ADAM18: variants seen among roughly 807,000 people sequenced by gnomAD.
ADAM18 encodes the protein disintegrin and metalloproteinase domain-containing protein 18.
Under a neutral mutation model 94.4 loss-of-function variants are expected in ADAM18, and 117 were observed. That is an observed-to-expected ratio of 1.24 (90% CI 1.07 to 1.45). ADAM18 has a LOEUF of 1.45. Ranked by LOEUF, ADAM18 falls within the 40% of genes most tolerant of loss-of-function variation. The pLI, the probability that ADAM18 is intolerant of heterozygous loss-of-function variation, is 0.00. For missense variants in ADAM18, 936 were observed against 880.0 expected (o/e 1.06, Z -0.81); for synonymous variants, 327 against 291.6 (o/e 1.12, Z -1.24).
intron 16 of ADAM18, among the ~76,000 whole-genome samples, chr8:39,681,900 T>G (rs1821471992): frequency 6.6e-6 from 1 of 152,142 alleles, no homozygotes; most frequent in South Asian, 2.1e-4. Context: ...CAGCTTATAA[T>G]ATAATAAGAA....
chr8:39,586,798 ATCTATATC>A (rs759945727), intron 2 of ADAM18, among the ~76,000 whole-genome samples: 8,942 of 137,646 alleles, frequency 0.065, 300 homozygotes, highest in Non-Finnish European at 0.078. Context: ...CTATCTATCT[ATCTATATC>A]TATCTATCTA....
chr8:39,656,807 A>G (rs1820697278), intron 12 of ADAM18, among the ~76,000 whole-genome samples: 1 of 152,204 alleles, frequency 6.6e-6, no homozygotes, highest in Admixed American at 6.5e-5. Context: ...TCGCTAATAA[A>G]TTTGTGAATC....
intron 17 of ADAM18, among the ~76,000 whole-genome samples, chr8:39,699,844 G>C (rs1822016153): frequency 6.6e-6 from 1 of 152,110 alleles, no homozygotes; most frequent in South Asian, 2.1e-4. Context: ...ATGATGATTA[G>C]AAAAATCTTG....
At chr8:39,646,132 C>A (rs895647770) in intron 11 of ADAM18, among the ~76,000 whole-genome samples, 5 of 152,060 alleles carry the variant, frequency 3.3e-5, no homozygotes, top group South Asian at 4.1e-4. Context: ...CTATACATTT[C>A]TTTCCTTGGA....
chr8:39,642,788 A>G (rs1385535615), intron 10 of ADAM18, among the ~76,000 whole-genome samples: 1 of 152,084 alleles, frequency 6.6e-6, no homozygotes, highest in African/African-American at 2.4e-5. Context: ...GTTCCATATG[A>G]ATTTTAAGAT....
At position 39,723,833 on chromosome 8, in the gene ADAM18, A is replaced by C; in HGVS notation, c.2103A>C (p.Ile701=). 1 of 1,586,128 alleles carries C rather than the reference A, an allele frequency of 6.3e-7. No homozygotes were observed. Among genetic ancestry groups the C allele is most frequent in the Non-Finnish European group, 8.6e-7 (1 of 1,165,142 alleles). Residue 701 remains isoleucine (I), a synonymous_variant, in exon 19 of 20, where the codon ATA becomes ATC. Coordinates refer to ENST00000265707, the MANE Select transcript of ADAM18 (RefSeq NM_014237.3). ...TCTGCATTTTTCTGCCGTTTTTCAT[A>C]GTTTTCACCACTGTGATCTTTAAAA... ...LSFCIFLPFF[I]VFTTVIFKRN...
intron 2 of ADAM18, among the ~76,000 whole-genome samples, chr8:39,602,281 T>C (rs554354088): frequency 6.6e-6 from 1 of 152,324 alleles, no homozygotes; most frequent in Admixed American, 6.5e-5. Context: ...TTTGTAATGG[T>C]TGCATCATTT....
intron 2 of ADAM18, among the ~76,000 whole-genome samples, chr8:39,589,660 A>T (rs1363013186): frequency 2.6e-5 from 4 of 151,744 alleles, no homozygotes; most frequent in East Asian, 3.9e-4. Flanking sequence ...ATGTATGTAT[A>T]TATTTATTAT....
Position 39,648,447 on chromosome 8 carries a change from C to T in ADAM18, c.1150C>T (p.Gln384Ter). Reference sequence around the variant, plus strand: ...ATGCCTTCAGAAGCTTTCAAATTTGCAACCATTACATCAAAATCAACCAGT... The same window carrying T: ...ATGCCTTCAGAAGCTTTCAAATTTGTAACCATTACATCAAAATCAACCAGT... ...TKCLQKLSNLQPLHQNQPVCG... is the reference protein window; with the variant it reads ...TKCLQKLSNL The change falls in exon 12 of 20, where the codon CAA becomes TAA. Residue 384 changes from glutamine (Q) to a stop codon, truncating the protein, a stop_gained. Transcript: ENST00000265707. LOFTEE classifies it high-confidence loss of function. The T allele has an allele frequency of 6.2e-7, 1 of 1,612,502 alleles. No individual in the cohort carries two copies.
At chr8:39,718,851 A>G (rs1251773290) in intron 18 of ADAM18, among the ~76,000 whole-genome samples, 3 of 151,524 alleles carry the variant, frequency 2.0e-5, no homozygotes, top group Non-Finnish European at 4.4e-5. Context: ...GAAGATTTAA[A>G]TAAATGGAGA....
At chr8:39,658,408 A>T (rs146719122) in intron 12 of ADAM18, among the ~76,000 whole-genome samples, 99 of 152,212 alleles carry the variant, frequency 6.5e-4, no homozygotes, top group African/African-American at 1.5e-3. Context: ...AGGAGAAGAA[A>T]AGCTGATAGT....
intron 17 of ADAM18, among the ~76,000 whole-genome samples, chr8:39,693,033 G>A (rs760234409): frequency 4.0e-5 from 6 of 151,458 alleles, no homozygotes; most frequent in African/African-American, 7.3e-5. Context: ...TTAAAAACAC[G>A]TTGACATATC....
At chr8:39,687,051 T>C (rs956735198) in intron 16 of ADAM18, among the ~76,000 whole-genome samples, 8 of 152,218 alleles carry the variant, frequency 5.3e-5, no homozygotes, top group Non-Finnish European at 8.8e-5. Flanking sequence ...CCAGAATGGA[T>C]TGCAGAAATA....
intron 17 of ADAM18, among the ~76,000 whole-genome samples, chr8:39,701,016 G>A (rs928737917): frequency 6.1e-5 from 9 of 146,410 alleles, no homozygotes; most frequent in South Asian, 2.1e-4. Flanking sequence ...TACTTGGGAG[G>A]CTGAGGCAGG....
At chr8:39,683,579 C>G (rs937673275) in intron 16 of ADAM18, among the ~76,000 whole-genome samples, 14 of 152,182 alleles carry the variant, frequency 9.2e-5, no homozygotes, top group African/African-American at 3.1e-4. Context: ...TCCTCAACAG[C>G]ATTTGGTGTT....
chr8:39,648,624 A>G (rs947580855), intron 12 of ADAM18, 97 bp downstream of exon 12: 20 of 1,076,876 alleles, frequency 1.9e-5, no homozygotes, highest in East Asian at 1.1e-4. Context: ...ATATGCAACA[A>G]TGCCATTAAT....
At chr8:39,682,071 A>C (rs1389569165) in intron 16 of ADAM18, among the ~76,000 whole-genome samples, 1 of 152,220 alleles carries the variant, frequency 6.6e-6, no homozygotes, top group Admixed American at 6.5e-5. Flanking sequence ...ATTAGTTAAG[A>C]GTAACAAAAG....
chr8:39,659,495 G>C (rs1282479986), intron 12 of ADAM18, among the ~76,000 whole-genome samples: 6 of 151,892 alleles, frequency 4.0e-5, no homozygotes, highest in Non-Finnish European at 2.9e-5. Flanking sequence ...TAAAAACTAA[G>C]AAGATGGGCA....
Position 39,723,915 on chromosome 8 carries a change from T to A in ADAM18, c.2177+8T>A, listed in dbSNP as rs1822831479. 1 of 1,443,382 alleles carries A rather than the reference T, an allele frequency of 6.9e-7. No individual in the cohort carries two copies. The highest frequency in any genetic ancestry group is 9.3e-7 in the Non-Finnish European group (1 of 1,076,110). 89.4% of individuals were successfully genotyped at this position (1,443,382 alleles called of 1,614,324 possible). ...GAATGCAGAGTATAATCGGTAAATATGATATAGAATCAATGTATTAGGTTT... is the reference window on the plus strand; with the variant it reads ...GAATGCAGAGTATAATCGGTAAATAAGATATAGAATCAATGTATTAGGTTT... On this transcript the variant is annotated splice_region_variant and intron_variant, in intron 19 of 19. Transcript: ENST00000265707.
Sources: gnomAD v4.1 joint callset for allele counts (sites outside exome capture counted in the v4.1 genomes callset) on GRCh38, gnomAD v4.1.1 for gene constraint, MANE v1.5 for transcripts, NCBI Gene and HGNC (gene_info 2026-07-23, HGNC 2026-07-21) for gene names.